The following ATP13A5 variants were observed in gnomAD, a reference collection of about 807,000 sequenced individuals.
ATP13A5 encodes ATPase 13A5, also known as probable cation-transporting ATPase 13A5.
ATP13A5 carries 149 observed loss-of-function variants against 150.2 expected under a neutral mutation model. That is an observed-to-expected ratio of 0.99 (90% CI 0.87 to 1.14). The LOEUF (loss-of-function observed/expected upper bound fraction) is 1.14, where lower values mean the gene tolerates loss of function less well. ATP13A5 is among the 50% of genes most tolerant of loss of function. The probability of loss-of-function intolerance (pLI) is 0.00; values close to 1 mark genes in which losing one functional copy is unlikely to be tolerated. For synonymous variants in ATP13A5, 497 were observed against 522.2 expected (o/e 0.95, Z 0.66); for missense variants, 1,383 against 1,449.3 (o/e 0.95, Z 0.74).
chr3:193,275,247 A>C lies in ATP13A5; in HGVS notation c.3452T>G (p.Phe1151Cys), dbSNP rs756610216. Residue 1151 changes from phenylalanine (F) to cysteine (C), a missense_variant, in exon 30 of 30, where the codon TTC becomes TGC. Phe to Cys is a radical substitution (Grantham distance 205, BLOSUM62 -2). Coordinates refer to ENST00000342358, the MANE Select transcript of ATP13A5 (RefSeq NM_198505.4). Reference protein sequence around the residue: ...LWLLIKREFGFYSKSQYRTWQ... With the variant: ...LWLLIKREFGCYSKSQYRTWQ... ...AGTCCTATATTGACTTTTAGAGTAG[A>C]ATCCAAATTCTCTTTTGATCAACAG... is the stretch of plus-strand genomic sequence containing the variant. The C allele has an allele frequency of 4.3e-6, 7 of 1,614,128 alleles. No individual in the cohort carries two copies. The highest frequency in any genetic ancestry group is 5.1e-6 in the Non-Finnish European group (6 of 1,180,030).
At chr3:193,321,617 C>T (rs986643019) in intron 16 of ATP13A5, 64 bp downstream of exon 16, 6 of 1,559,952 alleles carry the variant, frequency 3.8e-6, no homozygotes, top group Non-Finnish European at 5.2e-6. Flanking sequence ...GGGGACAGAG[C>T]AAGATTCTGT....
intron 22 of ATP13A5, chr3:193,307,004 G>T: frequency 1.4e-6 from 1 of 692,502 alleles, no homozygotes; most frequent in Non-Finnish European, 1.8e-6. Flanking sequence ...ACCTCCTTGA[G>T]AAATCATTTC....
At chr3:193,336,733 A>C (rs569266095) in intron 9 of ATP13A5, among the ~76,000 whole-genome samples, 2 of 152,246 alleles carry the variant, frequency 1.3e-5, no homozygotes, top group East Asian at 1.9e-4. Flanking sequence ...ATGATTTATA[A>C]TCCTTTGGGT....
intron 1 of ATP13A5, among the ~76,000 whole-genome samples, chr3:193,370,519 C>A (rs1223039162): frequency 6.6e-6 from 1 of 152,192 alleles, no homozygotes. Context: ...TCAAATCATA[C>A]CTCTACCACG....
At chr3:193,374,202 C>T (rs539940863) in intron 1 of ATP13A5, among the ~76,000 whole-genome samples, 1 of 152,070 alleles carries the variant, frequency 6.6e-6, no homozygotes, top group South Asian at 2.1e-4. Flanking sequence ...AAAATAATAC[C>T]TATCGGTCAT....
intron 6 of ATP13A5, among the ~76,000 whole-genome samples, chr3:193,352,281 C>G (rs1348778211): frequency 6.6e-6 from 1 of 152,188 alleles, no homozygotes; most frequent in Non-Finnish European, 1.5e-5. Flanking sequence ...ATCCCAACTG[C>G]TTTACTTGCA....
intron 29 of ATP13A5, 118 bp from the exon 30 acceptor site, chr3:193,275,420 G>T: frequency 1.7e-6 from 2 of 1,156,092 alleles, no homozygotes; most frequent in Non-Finnish European, 2.4e-6. Context: ...GCTCATTGCT[G>T]TTGCATCTAC....
chr3:193,371,110 C>T (rs1713423310), intron 1 of ATP13A5, among the ~76,000 whole-genome samples: 1 of 152,148 alleles, frequency 6.6e-6, no homozygotes, highest in Non-Finnish European at 1.5e-5. Context: ...TGATGAGATG[C>T]CTGGCCCAAG....
chr3:193,318,967 A>T, intron 17 of ATP13A5, 24 bp downstream of exon 17: 1 of 1,528,246 alleles, frequency 6.5e-7, no homozygotes, highest in Non-Finnish European at 9.1e-7. Context: ...AGCCTGCTCT[A>T]GTGCCAATTT....
rs111798891 is a variant in ATP13A5, at chr3:193,355,687, C to T, written c.537-1491G>A. ...ATCAGAGAGGGCAAACAGCCCATCA[C>T]GCTCTTTGACTTCTTAAGTCCCTAA... On this transcript the variant is annotated intron_variant, in intron 5 of 29. Transcript: ENST00000342358. Among the ~76,000 whole-genome samples, 232 of 152,316 alleles carry T rather than the reference C, an allele frequency of 1.5e-3. 1 individual carries two copies. The highest frequency in any genetic ancestry group is 5.2e-3 in the African/African-American group (216 of 41,574).
chr3:193,328,716 G>A (rs1388851813), intron 12 of ATP13A5, among the ~76,000 whole-genome samples: 2 of 152,186 alleles, frequency 1.3e-5, no homozygotes, highest in South Asian at 2.1e-4. Context: ...TGAATAAAAA[G>A]AAAGAACTTG....
At chr3:193,351,231 C>T (rs1305210668) in intron 6 of ATP13A5, 30 bp from the exon 7 acceptor site, 3 of 1,612,770 alleles carry the variant, frequency 1.9e-6, no homozygotes. Flanking sequence ...ATTTGGGTCA[C>T]TTGCATGAAC....
chr3:193,302,245 T>C (rs1484698934), intron 23 of ATP13A5, among the ~76,000 whole-genome samples: 2 of 152,074 alleles, frequency 1.3e-5, no homozygotes, highest in Non-Finnish European at 2.9e-5. Flanking sequence ...ACTAACCACT[T>C]TGTCTCAGGC....
At chr3:193,327,229 C>T (rs1297373208) in intron 12 of ATP13A5, among the ~76,000 whole-genome samples, 172 bp from the exon 13 acceptor site, 1 of 152,184 alleles carries the variant, frequency 6.6e-6, no homozygotes, top group African/African-American at 2.4e-5. Flanking sequence ...AAAAATTAAG[C>T]AGGTGATACA....
chr3:193,373,537 A>T (rs1713527098), intron 1 of ATP13A5, among the ~76,000 whole-genome samples: 1 of 11,614 alleles, frequency 8.6e-5, no homozygotes, highest in African/African-American at 6.7e-4. Flanking sequence ...CTTAACCAGA[A>T]AAAAGAGAAC....
chr3:193,297,272 T>C (rs1244388491), intron 25 of ATP13A5, among the ~76,000 whole-genome samples: 3 of 152,022 alleles, frequency 2.0e-5, no homozygotes, highest in Admixed American at 1.3e-4. Flanking sequence ...CCCAAGCCCA[T>C]AGTTCAGGCT....
intron 12 of ATP13A5, 61 bp downstream of exon 12, chr3:193,331,062 C>T: frequency 6.6e-7 from 1 of 1,526,460 alleles, no homozygotes; most frequent in Non-Finnish European, 8.9e-7. Context: ...TTCTGAGGTT[C>T]TTCCCAGCTC....
intron 8 of ATP13A5, 135 bp downstream of exon 8, chr3:193,344,867 TC>T: frequency 1.2e-6 from 1 of 840,104 alleles, no homozygotes; most frequent in Non-Finnish European, 1.9e-6. Flanking sequence ...TTAGAGGGCT[TC>T]TTTGCCTCAC....
At chr3:193,335,395 G>A (rs1233594135) in intron 9 of ATP13A5, among the ~76,000 whole-genome samples, 1 of 152,136 alleles carries the variant, frequency 6.6e-6, no homozygotes, top group Non-Finnish European at 1.5e-5. Flanking sequence ...ATTCTCCCAA[G>A]CATTCATTAA....
Sources: gnomAD v4.1 joint callset for allele counts (sites outside exome capture counted in the v4.1 genomes callset) on GRCh38, gnomAD v4.1.1 for gene constraint, MANE v1.5 for transcripts, NCBI Gene and HGNC (gene_info 2026-07-23, HGNC 2026-07-21) for gene names.